PANK1: variants seen among roughly 807,000 people sequenced by gnomAD.
PANK1 encodes the protein pantothenic acid kinase 1.
Under a neutral mutation model 40.1 loss-of-function variants are expected in PANK1, and 18 were observed. The ratio of observed to expected loss-of-function variants is 0.45; its 90% CI spans 0.31 to 0.67. The LOEUF is 0.67. Ranked by LOEUF, PANK1 falls within the 30% of genes least tolerant of loss-of-function variation. The pLI is 0.06. For missense variants in PANK1, 457 were observed against 599.6 expected (o/e 0.76, Z 2.48); for synonymous variants, 242 against 237.7 (o/e 1.02, Z -0.17).
At chr10:89,616,471 A>G (rs11592441) in intron 1 of PANK1, among the ~76,000 whole-genome samples, 47,993 of 152,080 alleles carry the variant, frequency 0.32, 7,710 homozygotes, top group Non-Finnish European at 0.35. Context: ...ATATGCCTCA[A>G]AAGGCATTTT....
intron 1 of PANK1, among the ~76,000 whole-genome samples, chr10:89,627,549 G>A (rs780583304): frequency 3.3e-5 from 5 of 152,132 alleles, no homozygotes; most frequent in Non-Finnish European, 5.9e-5. Flanking sequence ...GTTCCTAGAC[G>A]GTGTGAGGCA....
chr10:89,636,704 G>T (rs1328495518), intron 1 of PANK1, among the ~76,000 whole-genome samples: 1 of 151,520 alleles, frequency 6.6e-6, no homozygotes, highest in African/African-American at 2.4e-5. Context: ...GCCTGCCTTG[G>T]CCTCCCAAAG....
intron 2 of PANK1, among the ~76,000 whole-genome samples, chr10:89,607,572 T>A (rs1457932895): frequency 3.3e-5 from 5 of 152,176 alleles, no homozygotes; most frequent in Admixed American, 6.5e-5. Flanking sequence ...ACCTTCAATC[T>A]GTAAAAAATG....
At position 89,584,175 on chromosome 10, in the gene PANK1, A is replaced by T. The variant is rs1205967308; in HGVS notation, c.*231T>A. On this transcript the variant is annotated 3_prime_UTR_variant, in exon 7 of 7. Coordinates refer to ENST00000307534, the MANE Select transcript of PANK1 (RefSeq NM_148977.3). ...TTTGGCCACGCTGCACCATTTTTTT[A>T]AAAAAATACAGTATACAGAAAAAAA... 4.7e-5 allele frequency: 21 copies of T among 445,014 alleles called. No individual in the cohort carries two copies. The highest frequency in any genetic ancestry group is 1.6e-4 in the South Asian group (3 of 18,476). The allele number at this position is 445,014 out of a possible 1,614,324, so 27.6% of individuals were successfully genotyped here.
At chr10:89,620,409 C>T (rs1476446347) in intron 1 of PANK1, among the ~76,000 whole-genome samples, 1 of 152,208 alleles carries the variant, frequency 6.6e-6, no homozygotes, top group African/African-American at 2.4e-5. Flanking sequence ...AAAATGGCCG[C>T]TCTGGGAGTG....
intron 1 of PANK1, among the ~76,000 whole-genome samples, 155 bp downstream of exon 1, chr10:89,644,445 A>C (rs1208432510): frequency 6.6e-6 from 1 of 152,234 alleles, no homozygotes. Flanking sequence ...CCCTAGGAAA[A>C]GAATCAGTCC....
intron 5 of PANK1, among the ~76,000 whole-genome samples, chr10:89,591,146 GA>G (rs1263516154): frequency 6.6e-6 from 1 of 152,036 alleles, no homozygotes; most frequent in Non-Finnish European, 1.5e-5. Context: ...TTTGTAAAAA[GA>G]ATGCTATATA....
chr10:89,585,434 A>G (rs1244834566), intron 6 of PANK1, among the ~76,000 whole-genome samples: 2 of 152,314 alleles, frequency 1.3e-5, no homozygotes, highest in Admixed American at 1.3e-4. Context: ...GCACTTGCTG[A>G]ACTCAATAGT....
At chr10:89,643,069 T>C (rs1842012370) in intron 1 of PANK1, among the ~76,000 whole-genome samples, 1 of 152,180 alleles carries the variant, frequency 6.6e-6, no homozygotes, top group Non-Finnish European at 1.5e-5. Flanking sequence ...GAGGGTGTAT[T>C]TTCAATTCCT....
In PANK1 at chr10:89,645,071, C is replaced by T. The variant is rs779019391; in HGVS notation, c.-180G>A. 6.5e-7 allele frequency: 1 copy of T among 1,544,916 alleles called. No homozygotes were observed. The highest frequency in any genetic ancestry group is 2.7e-5 in the East Asian group (1 of 37,112). On this transcript the variant is annotated 5_prime_UTR_variant, in exon 1 of 7. Coordinates refer to ENST00000307534, the MANE Select transcript of PANK1 (RefSeq NM_148977.3). Reference sequence around the variant, plus strand: ...CCTCCTCCTGCCGACTCCCCCACCTCCTCTGCGCCCTGCCCCCCGCGCGCC... The same window carrying T: ...CCTCCTCCTGCCGACTCCCCCACCTTCTCTGCGCCCTGCCCCCCGCGCGCC...
chr10:89,639,575 A>C (rs1236357049), intron 1 of PANK1, among the ~76,000 whole-genome samples: 1 of 152,208 alleles, frequency 6.6e-6, no homozygotes, highest in African/African-American at 2.4e-5. Flanking sequence ...GAAGTTAAGA[A>C]TCTCACCTAA....
intron 1 of PANK1, among the ~76,000 whole-genome samples, chr10:89,631,644 CA>C (rs1232558524): frequency 1.3e-5 from 2 of 152,186 alleles, no homozygotes; most frequent in African/African-American, 4.8e-5. Context: ...AGATACTAAT[CA>C]CTCTTAGTCC....
chr10:89,586,213 T>C (rs533670311), intron 6 of PANK1, among the ~76,000 whole-genome samples: 1 of 152,312 alleles, frequency 6.6e-6, no homozygotes, highest in African/African-American at 2.4e-5. Flanking sequence ...AAGACACAGA[T>C]AAATGGCAGA....
chr10:89,597,323 G>A (rs1311660236), intron 3 of PANK1, among the ~76,000 whole-genome samples: 1 of 152,170 alleles, frequency 6.6e-6, no homozygotes, highest in Non-Finnish European at 1.5e-5. Context: ...CTCTGGATCA[G>A]GATCACAGCC....
intron 1 of PANK1, among the ~76,000 whole-genome samples, chr10:89,619,457 C>T (rs1206924275): frequency 6.6e-6 from 1 of 152,208 alleles, no homozygotes; most frequent in Non-Finnish European, 1.5e-5. Context: ...ATGAGAAAAT[C>T]AACCTCCTCT....
At chr10:89,637,181 G>A (rs1841846913) in intron 1 of PANK1, among the ~76,000 whole-genome samples, 1 of 151,992 alleles carries the variant, frequency 6.6e-6, no homozygotes, top group African/African-American at 2.4e-5. Flanking sequence ...TTGAGCCACA[G>A]GTGGGGTGAG....
At chr10:89,604,557 G>T (rs1844885167) in intron 2 of PANK1, among the ~76,000 whole-genome samples, 1 of 151,872 alleles carries the variant, frequency 6.6e-6, no homozygotes, top group Non-Finnish European at 1.5e-5. Context: ...GCCAGGCATG[G>T]TCACGATGTG....
In PANK1 at chr10:89,645,163, C is replaced by G; in HGVS notation, c.-272G>C. On this transcript the variant is annotated 5_prime_UTR_variant, in exon 1 of 7. Coordinates refer to ENST00000307534, the MANE Select transcript of PANK1 (RefSeq NM_148977.3). ...GGAATCGGGGATCCCCGCGCACCCC[C>G]AGCCGGGGCTCCCGCCGCCCGCCTT... 6.5e-7 allele frequency: 1 copy of G among 1,546,236 alleles called. No individual in the cohort carries two copies. Among genetic ancestry groups the G allele is most frequent in the African/African-American group, 1.4e-5 (1 of 70,352 alleles).
chr10:89,622,696 G>A (rs1020946822), intron 1 of PANK1, among the ~76,000 whole-genome samples: 2 of 152,040 alleles, frequency 1.3e-5, no homozygotes, highest in Non-Finnish European at 2.9e-5. Context: ...CATTTGCCGG[G>A]CATGGTGGCT....
Sources: allele counts gnomAD v4.1 joint callset (sites outside exome capture counted in the v4.1 genomes callset), GRCh38; gene constraint gnomAD v4.1.1; transcripts MANE v1.5; gene names NCBI Gene and HGNC (gene_info 2026-07-23, HGNC 2026-07-21).